The following CNTNAP5 variants were observed in gnomAD, a reference collection of about 807,000 sequenced individuals.
CNTNAP5 encodes the protein contactin-associated protein-like 5.
In CNTNAP5, 72 loss-of-function variants were observed where a neutral mutation model predicts 150.2. The ratio of observed to expected loss-of-function variants is 0.48; its 90% CI spans 0.40 to 0.58. The LOEUF (loss-of-function observed/expected upper bound fraction) is 0.58. Among genes scored for constraint, CNTNAP5 ranks in the 20% least tolerant of loss-of-function variants. The pLI is 0.00. For missense variants in CNTNAP5, 1,636 were observed against 1,626.2 expected, an observed-to-expected ratio of 1.01 and a Z score of -0.10; for synonymous variants, 672 against 619.8, an observed-to-expected ratio of 1.08 and a Z score of -1.25.
intron 3 of CNTNAP5, among the ~76,000 whole-genome samples, chr2:124,344,493 G>A (rs942007135): frequency 5.9e-5 from 9 of 152,192 alleles, no homozygotes; most frequent in African/African-American, 1.9e-4. Flanking sequence ...ACCTAGGTCA[G>A]GTGCAGTGGC....
intron 1 of CNTNAP5, among the ~76,000 whole-genome samples, chr2:124,036,978 G>A (rs557405808): frequency 2.6e-5 from 4 of 152,260 alleles, no homozygotes; most frequent in African/African-American, 7.2e-5. Flanking sequence ...CAGATAATTC[G>A]TCCTAGCAAA....
At chr2:124,525,051 G>A (rs543258277) in intron 9 of CNTNAP5, among the ~76,000 whole-genome samples, 1 of 152,286 alleles carries the variant, frequency 6.6e-6, no homozygotes, top group Admixed American at 6.5e-5. Context: ...TGTTAAGTGA[G>A]TCCTGGGAAC....
intron 10 of CNTNAP5, among the ~76,000 whole-genome samples, chr2:124,561,000 T>C (rs1257617634): frequency 6.6e-6 from 1 of 152,132 alleles, no homozygotes; most frequent in Non-Finnish European, 1.5e-5. Flanking sequence ...AAGCACCTAT[T>C]GAGTGTGCTT....
At chr2:124,439,318 A>C (rs952658074) in intron 5 of CNTNAP5, among the ~76,000 whole-genome samples, 1 of 152,202 alleles carries the variant, frequency 6.6e-6, no homozygotes, top group South Asian at 2.1e-4. Context: ...TGAATTCTGC[A>C]CTGGGGGTTA....
intron 12 of CNTNAP5, among the ~76,000 whole-genome samples, chr2:124,623,257 C>T (rs1393839257): frequency 6.6e-6 from 1 of 152,118 alleles, no homozygotes; most frequent in African/African-American, 2.4e-5. Flanking sequence ...CTTCAGCTTT[C>T]CCCATCGTGA....
At chr2:124,613,170 A>G (rs1677421107) in intron 12 of CNTNAP5, among the ~76,000 whole-genome samples, 1 of 152,262 alleles carries the variant, frequency 6.6e-6, no homozygotes, top group Non-Finnish European at 1.5e-5. Context: ...AATGATGATC[A>G]AATATGCATC....
chr2:124,504,547 A>G lies in CNTNAP5; in HGVS notation c.1318A>G (p.Ile440Val). The change falls in exon 8 of 24, where the codon ATC becomes GTC. Residue 440 changes from isoleucine (I) to valine (V), a missense_variant. By Grantham distance (29) the Ile-to-Val change is conservative (BLOSUM62 3). Coordinates refer to ENST00000682447, the MANE Select transcript of CNTNAP5 (RefSeq NM_001367498.1). ...IQKMTERVAE[I>V]LTGSNLNDGL... ...GAAAATGACAGAACGCGTAGCTGAA[A>G]TCCTCACAGGTACTGTCTGCTGACA... 6.2e-7 allele frequency: 1 copy of G among 1,613,568 alleles called. No individual in the cohort carries two copies. The highest frequency in any genetic ancestry group is 1.3e-5 in the African/African-American group (1 of 75,004).
chr2:124,253,037 ATACT>A (rs1258826614), intron 3 of CNTNAP5, among the ~76,000 whole-genome samples: 3 of 151,672 alleles, frequency 2.0e-5, no homozygotes, highest in African/African-American at 7.2e-5. Flanking sequence ...ATTTATTTAC[ATACT>A]TAAATTATAT....
chr2:124,649,014 G>A lies in CNTNAP5; in HGVS notation c.2077+1056G>A, dbSNP rs552557934. 8.5e-5 allele frequency among the ~76,000 whole-genome samples: 13 copies of A among 152,222 alleles called. No individual in the cohort carries two copies. The South Asian group carries it at 2.5e-3, about 29-fold the overall frequency. ...ATCTTCAGGGAAGACGTTGTTCCAC[G>A]TAATTGAATTTTCCAGGTAACTGTC... On this transcript the variant is annotated intron_variant, in intron 13 of 23. Coordinates refer to ENST00000682447, the MANE Select transcript of CNTNAP5 (RefSeq NM_001367498.1).
intron 21 of CNTNAP5, among the ~76,000 whole-genome samples, chr2:124,896,858 A>G (rs2104753986): frequency 6.6e-6 from 1 of 151,652 alleles, no homozygotes; most frequent in Non-Finnish European, 1.5e-5. Flanking sequence ...GAAGTTCTTA[A>G]CTTGCTTTAA....
intron 8 of CNTNAP5, among the ~76,000 whole-genome samples, chr2:124,513,222 G>T (rs552102046): frequency 6.6e-6 from 1 of 152,134 alleles, no homozygotes; most frequent in Non-Finnish European, 1.5e-5. Flanking sequence ...GCTTGCAGAT[G>T]GTTGTCTTTT....
chr2:124,673,010 T>C (rs1319452277), intron 13 of CNTNAP5, among the ~76,000 whole-genome samples: 1 of 152,068 alleles, frequency 6.6e-6, no homozygotes, highest in Non-Finnish European at 1.5e-5. Flanking sequence ...AATATTTAAG[T>C]GATGGAGAAT....
intron 3 of CNTNAP5, among the ~76,000 whole-genome samples, chr2:124,305,048 T>C (rs2104650217): frequency 6.8e-6 from 1 of 146,612 alleles, no homozygotes; most frequent in African/African-American, 2.5e-5. Context: ...GGTGAGTTGC[T>C]TGAGCTCAGG....
Position 124,079,619 on chromosome 2 carries a change from A to C in CNTNAP5, c.82+53887A>C, listed in dbSNP as rs151029108. 2.6e-5 allele frequency among the ~76,000 whole-genome samples: 4 copies of C among 152,338 alleles called. No homozygotes were observed. The East Asian group carries it at 7.7e-4, about 29-fold the overall frequency. ...TAGTGAGACTTGACTAGCATTTTAAAAATAAAATAGATGAAAATATCAGAA... is the reference window on the plus strand; with the variant it reads ...TAGTGAGACTTGACTAGCATTTTAACAATAAAATAGATGAAAATATCAGAA... On this transcript the variant is annotated intron_variant, in intron 1 of 23. Coordinates refer to ENST00000682447, the MANE Select transcript of CNTNAP5 (RefSeq NM_001367498.1).
chr2:124,870,975 G>T (rs1677734978), intron 21 of CNTNAP5, among the ~76,000 whole-genome samples: 2 of 151,782 alleles, frequency 1.3e-5, no homozygotes, highest in African/African-American at 2.4e-5. Context: ...GCTGAAGTAG[G>T]GTCAAAAAAA....
At chr2:124,340,909 C>CACAT (rs1553459720) in intron 3 of CNTNAP5, among the ~76,000 whole-genome samples, 2 of 143,708 alleles carry the variant, frequency 1.4e-5, no homozygotes, top group African/African-American at 5.0e-5. Flanking sequence ...TAGACACACA[C>CACAT]ACATATATAT....
intron 19 of CNTNAP5, among the ~76,000 whole-genome samples, chr2:124,851,819 A>G (rs1683161997): frequency 6.6e-6 from 1 of 152,250 alleles, no homozygotes; most frequent in African/African-American, 2.4e-5. Context: ...AGTCCTGGAT[A>G]TAAAGTGGCT....
At chr2:124,120,812 C>T (rs992866984) in intron 1 of CNTNAP5, among the ~76,000 whole-genome samples, 8 of 152,158 alleles carry the variant, frequency 5.3e-5, no homozygotes, top group Non-Finnish European at 8.8e-5. Context: ...GAAGACATGT[C>T]ATTTTTCTCG....
intron 19 of CNTNAP5, among the ~76,000 whole-genome samples, chr2:124,854,682 G>A (rs1265180777): frequency 1.3e-5 from 2 of 152,216 alleles, no homozygotes; most frequent in African/African-American, 2.4e-5. Flanking sequence ...AATGTCTTCT[G>A]GAGATTTAAG....
Sources: allele counts gnomAD v4.1 joint callset (sites outside exome capture counted in the v4.1 genomes callset), GRCh38; gene constraint gnomAD v4.1.1; transcripts MANE v1.5; gene names NCBI Gene and HGNC (gene_info 2026-07-23, HGNC 2026-07-21).